GATAD2B: variants seen among roughly 807,000 people sequenced by gnomAD.
GATAD2B encodes the protein transcriptional repressor p66-beta.
In GATAD2B, 8 loss-of-function variants were observed where a neutral mutation model predicts 64.3. The observed-to-expected ratio is 0.12, with a 90% CI of 0.07 to 0.22. The LOEUF (loss-of-function observed/expected upper bound fraction) is 0.22. Ranked by LOEUF, GATAD2B falls within the 10% of genes least tolerant of loss-of-function variation. The pLI is 1.00. For missense variants in GATAD2B, 453 were observed against 752.0 expected, an observed-to-expected ratio of 0.60 and a Z score of 4.65; for synonymous variants, 281 against 271.3, an observed-to-expected ratio of 1.04 and a Z score of -0.35.
chr1:153,830,541 T>C lies in GATAD2B; in HGVS notation c.-1-2193A>G, dbSNP rs539224635. ...CCCAGGCTGGAGTGCAGTGGCGGGA[T>C]CTCGGCTCACTGCAAGCTCCGCCTC... is the stretch of plus-strand genomic sequence containing the variant. On this transcript the variant is annotated intron_variant, in intron 1 of 10. Transcript: ENST00000368655. 4.9e-5 allele frequency among the ~76,000 whole-genome samples: 7 copies of C among 143,308 alleles called. 1 individual carries two copies. The highest frequency in any genetic ancestry group is 1.8e-4 in the African/African-American group (7 of 39,206). 94.0% of individuals were successfully genotyped at this position (143,308 alleles called of 152,430 possible).
At chr1:153,825,955 G>C (rs1674859553) in intron 2 of GATAD2B, among the ~76,000 whole-genome samples, 1 of 151,834 alleles carries the variant, frequency 6.6e-6, no homozygotes, top group African/African-American at 2.4e-5. Flanking sequence ...ACTCAACACT[G>C]AAGACTAATT....
intron 1 of GATAD2B, among the ~76,000 whole-genome samples, chr1:153,834,826 G>A (rs1675213586): frequency 6.6e-6 from 1 of 151,984 alleles, no homozygotes; most frequent in East Asian, 1.9e-4. Context: ...CAATTAGAAG[G>A]GAGCCTGGGC....
intron 4 of GATAD2B, 46 bp downstream of exon 4, chr1:153,818,745 G>C (rs771327964): frequency 6.3e-7 from 1 of 1,591,338 alleles, no homozygotes; most frequent in South Asian, 1.1e-5. Flanking sequence ...TCTCAAACCA[G>C]TTTTTCTTTC....
chr1:153,834,935 C>T (rs1050795029), intron 1 of GATAD2B, among the ~76,000 whole-genome samples: 1 of 151,552 alleles, frequency 6.6e-6, no homozygotes, highest in Non-Finnish European at 1.5e-5. Context: ...ACCTGGACAA[C>T]AAAGTGAGAC....
intron 1 of GATAD2B, among the ~76,000 whole-genome samples, chr1:153,888,741 T>G (rs765231440): frequency 4.6e-5 from 7 of 152,194 alleles, no homozygotes; most frequent in Non-Finnish European, 1.0e-4. Context: ...TGGCCTGGCT[T>G]TTTGCTGTTA....
chr1:153,860,660 T>TA (rs1256700966), intron 1 of GATAD2B, among the ~76,000 whole-genome samples: 3 of 151,896 alleles, frequency 2.0e-5, no homozygotes, highest in African/African-American at 4.8e-5. Flanking sequence ...CTTATCTACT[T>TA]AAAAAAAATT....
chr1:153,843,429 C>T (rs912088420), intron 1 of GATAD2B, among the ~76,000 whole-genome samples: 2 of 151,008 alleles, frequency 1.3e-5, no homozygotes, highest in South Asian at 2.1e-4. Flanking sequence ...AGAGGAGAAG[C>T]GACATTTACA....
intron 1 of GATAD2B, among the ~76,000 whole-genome samples, chr1:153,874,180 T>C (rs975930371): frequency 2.0e-5 from 3 of 151,542 alleles, no homozygotes; most frequent in Admixed American, 6.6e-5. Flanking sequence ...GAGAATCGCT[T>C]GAACCCAGGA....
rs1281702623 is a variant in GATAD2B at position 153,813,278 on chromosome 1, G to T, written c.1391C>A (p.Ala464Glu). 2 of 1,614,028 alleles carry T rather than the reference G, an allele frequency of 1.2e-6. No individual in the cohort carries two copies. Among genetic ancestry groups the T allele is most frequent in the Non-Finnish European group, 1.7e-6 (2 of 1,179,948 alleles). ...TTCCTGCTGTAGGGCTTTCACAAAT[G>T]CATTTTTCAGCCGGTTGGTGTGTTC... is the stretch of plus-strand genomic sequence containing the variant. ...KAEHTNRLKN[A>E]FVKALQQEQE... The change falls in exon 8 of 11, where the codon GCA becomes GAA. Residue 464 changes from alanine to glutamate, a missense_variant. Ala to Glu is a moderately radical substitution (Grantham distance 107). Coordinates refer to ENST00000368655, the MANE Select transcript of GATAD2B (RefSeq NM_020699.4).
At chr1:153,873,538 T>C (rs938608687) in intron 1 of GATAD2B, among the ~76,000 whole-genome samples, 2 of 152,212 alleles carry the variant, frequency 1.3e-5, no homozygotes, top group Non-Finnish European at 2.9e-5. Context: ...CCCCTCACCA[T>C]GTGATGCCCT....
At chr1:153,817,847 T>C (rs1298319063) in intron 5 of GATAD2B, among the ~76,000 whole-genome samples, 193 bp downstream of exon 5, 1 of 152,090 alleles carries the variant, frequency 6.6e-6, no homozygotes, top group Non-Finnish European at 1.5e-5. Flanking sequence ...CAAGAAAAAC[T>C]ACAGTGGAAA....
chr1:153,921,225 CCAA>C (rs1448745908), intron 1 of GATAD2B, among the ~76,000 whole-genome samples: 2 of 152,146 alleles, frequency 1.3e-5, no homozygotes. Flanking sequence ...AGGATAATCA[CCAA>C]CAACATATAG....
intron 1 of GATAD2B, among the ~76,000 whole-genome samples, chr1:153,903,436 G>T (rs1029400860): frequency 3.9e-5 from 6 of 152,096 alleles, no homozygotes; most frequent in African/African-American, 1.4e-4. Flanking sequence ...TGAGATTCAG[G>T]ATTACAGATG....
In GATAD2B at chr1:153,807,102, C is replaced by T. The variant is rs1314357000; in HGVS notation, c.*3075G>A. The T allele has an allele frequency of 6.6e-6, 1 of 152,158 alleles. No individual in the cohort carries two copies. The highest frequency in any genetic ancestry group is 1.5e-5 in the Non-Finnish European group (1 of 68,030). The allele number at this position is 152,158 out of a possible 1,614,324, so 9.4% of individuals were successfully genotyped here. On this transcript the variant is annotated 3_prime_UTR_variant, in exon 11 of 11. Coordinates refer to ENST00000368655, the MANE Select transcript of GATAD2B (RefSeq NM_020699.4). ...CCCTAGTTTTACTCAAGCCTTACCGCTATTCCACCCATTTCAGGCTTCCAG... is the reference window on the plus strand; with the variant it reads ...CCCTAGTTTTACTCAAGCCTTACCGTTATTCCACCCATTTCAGGCTTCCAG...
At chr1:153,893,076 A>G (rs1329157629) in intron 1 of GATAD2B, among the ~76,000 whole-genome samples, 1 of 152,196 alleles carries the variant, frequency 6.6e-6, no homozygotes, top group Non-Finnish European at 1.5e-5. Context: ...ACCTAAACAC[A>G]GTACAAGAGG....
At position 153,828,320 on chromosome 1, in the gene GATAD2B, G is replaced by A. The variant is rs750326578; in HGVS notation, c.28C>T (p.Arg10Cys). The stretch of plus-strand genomic sequence containing the variant: ...AAGCTCCGCTTCAACAGATTCAAGC[G>A]AAGAGCATCTTCTGTCATTCTATCC... MDRMTEDAL[R>C]LNLLKRSLDP... The change falls in exon 2 of 11, where the codon CGC (arginine) becomes TGC (cysteine). Residue 10 changes from arginine to cysteine, a missense_variant. Around this residue, in one of 2 missense-constraint regions of GATAD2B, gnomAD observed 293 missense variants for 417.2 expected, o/e 0.70. Coordinates refer to ENST00000368655, the MANE Select transcript of GATAD2B (RefSeq NM_020699.4). 6.8e-6 allele frequency: 11 copies of A among 1,611,084 alleles called. No individual in the cohort carries two copies. The highest frequency in any genetic ancestry group is 2.7e-5 in the African/African-American group (2 of 74,916).
Position 153,823,087 on chromosome 1 carries a change from A to G in GATAD2B, c.336-3352T>C, listed in dbSNP as rs142822554. On this transcript the variant is annotated intron_variant, in intron 2 of 10. Transcript: ENST00000368655. ...GGCGTGAGCCACCATGCCCTGCCTC[A>G]TTTCTTAATTTTAAAAAACTAATGA... Among the ~76,000 whole-genome samples, 99 of 152,084 alleles carry G rather than the reference A, an allele frequency of 6.5e-4. 1 individual carries two copies. In the East Asian group the frequency reaches 0.017, roughly 26 times the overall value.
At position 153,807,390 on chromosome 1, in the gene GATAD2B, G is replaced by A. The variant is rs1282545697; in HGVS notation, c.*2787C>T. The A allele has an allele frequency of 6.6e-6, 1 of 152,232 alleles. No individual in the cohort carries two copies. Among genetic ancestry groups the A allele is most frequent in the Non-Finnish European group, 1.5e-5 (1 of 68,078 alleles). The allele number at this position is 152,232 out of a possible 1,614,324, so 9.4% of individuals were successfully genotyped here. A position where few individuals can be genotyped will look rare whatever the true frequency, so the allele number is the denominator to read the frequency against. ...AGGAAGACAGAAGGATGAGGAAGGA[G>A]GAGGGAAGGGAGGAGGTGGAAGGTT... On this transcript the variant is annotated 3_prime_UTR_variant, in exon 11 of 11. Coordinates refer to ENST00000368655, the MANE Select transcript of GATAD2B (RefSeq NM_020699.4).
chr1:153,883,991 C>G (rs1363570079), intron 1 of GATAD2B, among the ~76,000 whole-genome samples: 1 of 152,180 alleles, frequency 6.6e-6, no homozygotes, highest in East Asian at 1.9e-4. Flanking sequence ...GAGGTGAAAA[C>G]TAAATTTAAA....
Sources: gnomAD v4.1 joint callset for allele counts (sites outside exome capture counted in the v4.1 genomes callset) on GRCh38, gnomAD v4.1.1 for gene constraint, gnomAD v4.1.1 regional missense constraint, MANE v1.5 for transcripts, NCBI Gene and HGNC (gene_info 2026-07-23, HGNC 2026-07-21) for gene names.